The following TSEN15 variants were observed in gnomAD, a reference collection of about 807,000 sequenced individuals.
TSEN15 encodes tRNA splicing endonuclease subunit 15.
TSEN15 carries 10 observed loss-of-function variants against 20.5 expected under a neutral mutation model. That is an observed-to-expected ratio of 0.49 (90% CI 0.30 to 0.83). TSEN15 has a LOEUF of 0.83. Among genes scored for constraint, TSEN15 ranks in the 40% least tolerant of loss-of-function variants. The pLI is 0.06. For synonymous variants in TSEN15, 72 were observed against 80.1 expected (o/e 0.90, Z 0.54); for missense variants, 180 against 218.6 (o/e 0.82, Z 1.11).
At chr1:184,084,186 C>A (rs1200127971) in intron 3 of TSEN15, among the ~76,000 whole-genome samples, 4 of 152,042 alleles carry the variant, frequency 2.6e-5, no homozygotes, top group East Asian at 2.0e-4. Context: ...AAATGAAGCC[C>A]AGCATACAAT....
intron 3 of TSEN15, among the ~76,000 whole-genome samples, chr1:184,068,197 T>C (rs980615228): frequency 4.6e-5 from 7 of 151,924 alleles, no homozygotes; most frequent in Admixed American, 2.0e-4. Context: ...TAGTTCTTTC[T>C]TTGGAACATC....
At chr1:184,081,276 GTT>G (rs1173567617) in intron 3 of TSEN15, among the ~76,000 whole-genome samples, 1 of 152,198 alleles carries the variant, frequency 6.6e-6, no homozygotes, top group Non-Finnish European at 1.5e-5. Flanking sequence ...TTTAACAAGT[GTT>G]TATTGCTTGC....
chr1:184,056,799 T>G (rs907716281), intron 3 of TSEN15, among the ~76,000 whole-genome samples: 1 of 152,156 alleles, frequency 6.6e-6, no homozygotes, highest in Non-Finnish European at 1.5e-5. Context: ...CAAACATGCA[T>G]TAATTTGTTT....
intron 3 of TSEN15, among the ~76,000 whole-genome samples, chr1:184,061,716 T>C (rs1460307538): frequency 6.6e-6 from 1 of 152,172 alleles, no homozygotes; most frequent in Non-Finnish European, 1.5e-5. Flanking sequence ...AAGTAATTGT[T>C]CTAAGGAGTG....
chr1:184,065,370 T>C (rs987855518), intron 3 of TSEN15, among the ~76,000 whole-genome samples: 4 of 152,214 alleles, frequency 2.6e-5, no homozygotes, highest in African/African-American at 9.6e-5. Flanking sequence ...ATTATTAGTA[T>C]TATTAACTGA....
chr1:184,060,689 A>G (rs1468252710), intron 3 of TSEN15, among the ~76,000 whole-genome samples: 1 of 152,232 alleles, frequency 6.6e-6, no homozygotes, highest in African/African-American at 2.4e-5. Flanking sequence ...CTAACTTTAC[A>G]TACAAAAAGC....
At chr1:184,085,955 A>G (rs1214949371) in intron 3 of TSEN15, among the ~76,000 whole-genome samples, 2 of 152,206 alleles carry the variant, frequency 1.3e-5, no homozygotes, top group Non-Finnish European at 2.9e-5. Context: ...TGCATGAGAA[A>G]AGAGGAATGC....
chr1:184,066,763 T>C (rs1650679263), intron 3 of TSEN15, among the ~76,000 whole-genome samples: 1 of 152,176 alleles, frequency 6.6e-6, no homozygotes, highest in African/African-American at 2.4e-5. Context: ...TTTAACACTT[T>C]GTTGGATATT....
chr1:184,057,744 A>T (rs1650299391), intron 3 of TSEN15, among the ~76,000 whole-genome samples: 1 of 152,180 alleles, frequency 6.6e-6, no homozygotes, highest in African/African-American at 2.4e-5. Flanking sequence ...TGTATTTATT[A>T]TTCATAATGA....
intron 1 of TSEN15, 113 bp downstream of exon 1, chr1:184,052,003 C>G: frequency 8.7e-7 from 1 of 1,153,184 alleles, no homozygotes; most frequent in East Asian, 3.2e-5. Context: ...CGCGCGCCAC[C>G]CTCACCGAGG....
At chr1:184,059,278 G>C (rs1650359136) in intron 3 of TSEN15, among the ~76,000 whole-genome samples, 1 of 152,108 alleles carries the variant, frequency 6.6e-6, no homozygotes, top group Non-Finnish European at 1.5e-5. Flanking sequence ...GTTTAGTAGG[G>C]TAACTGCAAG....
chr1:184,058,173 G>A, intron 3 of TSEN15: 2 of 426,982 alleles, frequency 4.7e-6, no homozygotes, highest in Non-Finnish European at 9.4e-6. Context: ...GGTAATTAAT[G>A]CTTTTCTAGC....
chr1:184,072,556 G>A (rs1174755251), intron 4 of TSEN15: 2 of 554,156 alleles, frequency 3.6e-6, no homozygotes, highest in African/African-American at 3.9e-5. Context: ...AGTATTTTAT[G>A]AAGTCATCAT....
chr1:184,089,025 A>G (rs1163566920), intron 3 of TSEN15, among the ~76,000 whole-genome samples: 1 of 152,240 alleles, frequency 6.6e-6, no homozygotes, highest in Non-Finnish European at 1.5e-5. Flanking sequence ...CAAAGGGAGC[A>G]GCTGTTGTGA....
In TSEN15 at chr1:184,067,510, G is replaced by T. The variant is rs560984050; in HGVS notation, c.354-4647G>T. ...TAAGTAAGTATTTGTTGAAAGATTG[G>T]GTAAGCTATCTTAGGCTACTGTGTT... On this transcript the variant is annotated intron_variant, in intron 3 of 4. Coordinates refer to ENST00000645668, the MANE Select transcript of TSEN15 (RefSeq NM_052965.4). 3.3e-5 allele frequency among the ~76,000 whole-genome samples: 5 copies of T among 152,134 alleles called. No homozygotes were observed. In the East Asian group the frequency reaches 9.6e-4, roughly 29 times the overall value.
chr1:184,073,681 C>G lies in TSEN15; in HGVS notation c.*834C>G, dbSNP rs143992374. ...TTCCAAGTGACATTACTTTTAGTAGCCCAAATTATAAACCACTTTAAAGTT... is the reference window on the plus strand; with the variant it reads ...TTCCAAGTGACATTACTTTTAGTAGGCCAAATTATAAACCACTTTAAAGTT... On this transcript the variant is annotated 3_prime_UTR_variant, in exon 5 of 5. Transcript: ENST00000645668. The G allele has an allele frequency of 6.6e-6, 1 of 152,518 alleles. No individual in the cohort carries two copies. The highest frequency in any genetic ancestry group is 1.5e-5 in the Non-Finnish European group (1 of 68,012). The allele number at this position is 152,518 out of a possible 1,614,324, so 9.4% of individuals were successfully genotyped here.
At chr1:184,082,019 C>T (rs1651178948) in intron 3 of TSEN15, among the ~76,000 whole-genome samples, 1 of 152,188 alleles carries the variant, frequency 6.6e-6, no homozygotes, top group African/African-American at 2.4e-5. Flanking sequence ...GAGAATATTT[C>T]TGAAGGAAGC....
intron 3 of TSEN15, among the ~76,000 whole-genome samples, chr1:184,088,080 G>A (rs1651295291): frequency 6.6e-6 from 1 of 152,134 alleles, no homozygotes. Flanking sequence ...TTGTTGTAGA[G>A]GCAGAATCAG....
At chr1:184,087,513 C>A (rs1651283503) in intron 3 of TSEN15, among the ~76,000 whole-genome samples, 1 of 152,176 alleles carries the variant, frequency 6.6e-6, no homozygotes, top group Admixed American at 6.5e-5. Flanking sequence ...AGCTGAAGGG[C>A]ACCATGATCA....
Sources: allele counts gnomAD v4.1 joint callset (sites outside exome capture counted in the v4.1 genomes callset), GRCh38; gene constraint gnomAD v4.1.1; transcripts MANE v1.5; gene names NCBI Gene and HGNC (gene_info 2026-07-23, HGNC 2026-07-21).